FNTA: variants seen among roughly 807,000 people sequenced by gnomAD.
The protein encoded by FNTA is farnesyltransferase, CAAX box, subunit alpha.
FNTA carries 27 observed loss-of-function variants against 55.2 expected under a neutral mutation model. That is an observed-to-expected ratio of 0.49 (90% CI 0.36 to 0.67). FNTA has a LOEUF of 0.67. Among genes scored for constraint, FNTA ranks in the 30% least tolerant of loss-of-function variants. The pLI is 0.00. For missense variants in FNTA, 422 were observed against 464.7 expected (o/e 0.91, Z 0.85); for synonymous variants, 176 against 170.7 (o/e 1.03, Z -0.24).
chr8:43,070,731 A>T (rs1810770581), intron 4 of FNTA, among the ~76,000 whole-genome samples: 2 of 152,276 alleles, frequency 1.3e-5, no homozygotes. Flanking sequence ...TTTTATAACC[A>T]GTGTAGTACA....
At chr8:43,059,315 T>G (rs1341613776) in intron 2 of FNTA, 138 bp downstream of exon 2, 6 of 562,082 alleles carry the variant, frequency 1.1e-5, no homozygotes, top group African/African-American at 1.9e-5. Flanking sequence ...TAATTTTGTG[T>G]TTTTTTTATG....
intron 2 of FNTA, 118 bp from the exon 3 acceptor site, chr8:43,063,983 T>G: frequency 1.5e-6 from 1 of 669,646 alleles, no homozygotes; most frequent in East Asian, 2.8e-5. Flanking sequence ...TTATTTTGCT[T>G]GTTGGTATAA....
At chr8:43,077,494 A>G (rs1452638631) in intron 6 of FNTA, 130 bp downstream of exon 6, 3 of 525,644 alleles carry the variant, frequency 5.7e-6, no homozygotes, top group Non-Finnish European at 6.5e-6. Flanking sequence ...TACTGAGTGG[A>G]ACATAGGATG....
intron 1 of FNTA, chr8:43,057,082 CT>C (rs1047335410): frequency 6.6e-6 from 1 of 152,130 alleles, no homozygotes; most frequent in African/African-American, 2.4e-5. Flanking sequence ...AGGCTAAAGG[CT>C]GAAAAGAGAT....
At chr8:43,061,708 C>A (rs554449026) in intron 2 of FNTA, among the ~76,000 whole-genome samples, 1 of 151,924 alleles carries the variant, frequency 6.6e-6, no homozygotes, top group Non-Finnish European at 1.5e-5. Context: ...TCGAGCATGA[C>A]AATATGTTGT....
Position 43,064,161 on chromosome 8 carries a change from C to G in FNTA, c.347C>G (p.Ala116Gly), listed in dbSNP as rs1300936909. The part of the protein sequence containing the change: ...VLQRDERSER[A>G]FKLTRDAIEL... ...CAGCGTGATGAAAGAAGTGAACGAG[C>G]TTTTAAGCTAACCCGGGATGCTATT... The change falls in exon 3 of 9, where the codon GCT becomes GGT. Residue 116 changes from alanine (A) to glycine (G), a missense_variant. Ala to Gly is a moderately conservative substitution (Grantham distance 60). This residue lies in a region of FNTA where 262 missense variants were observed against 343.1 expected (regional missense o/e 0.76). Coordinates refer to ENST00000302279, the MANE Select transcript of FNTA (RefSeq NM_002027.3). The G allele has an allele frequency of 6.2e-7, 1 of 1,613,978 alleles. No homozygotes were observed. Among genetic ancestry groups the G allele is most frequent in the Non-Finnish European group, 8.5e-7 (1 of 1,179,990 alleles).
chr8:43,068,702 T>C (rs1041476440), intron 3 of FNTA, among the ~76,000 whole-genome samples: 19 of 152,194 alleles, frequency 1.2e-4, no homozygotes, highest in Non-Finnish European at 2.2e-4. Flanking sequence ...ATCTCATACT[T>C]GTTACCTTTC....
chr8:43,061,854 G>C (rs1810539016), intron 2 of FNTA, among the ~76,000 whole-genome samples: 1 of 151,962 alleles, frequency 6.6e-6, no homozygotes, highest in Non-Finnish European at 1.5e-5. Context: ...CGAGTAGCTG[G>C]GATTACAGGC....
At chr8:43,065,720 C>A (rs544319788) in intron 3 of FNTA, among the ~76,000 whole-genome samples, 6 of 151,408 alleles carry the variant, frequency 4.0e-5, no homozygotes, top group Non-Finnish European at 7.3e-5. Context: ...TTGGATGCTG[C>A]ATACCTGGTT....
rs968239409 is a variant in FNTA, at chr8:43,085,386, G to A, written c.*104G>A. 7.7e-6 allele frequency: 8 copies of A among 1,043,704 alleles called. No individual in the cohort carries two copies. Among genetic ancestry groups the A allele is most frequent in the African/African-American group, 3.3e-5 (2 of 60,580 alleles). The allele number at this position is 1,043,704 out of a possible 1,614,324, so 64.7% of individuals were successfully genotyped here. ...TTCCCTTTGCCTGTGGTGTAAAAGT[G>A]CATCACACAGGTATTGCTTTTTAAC... On this transcript the variant is annotated 3_prime_UTR_variant, in exon 9 of 9. Coordinates refer to ENST00000302279, the MANE Select transcript of FNTA (RefSeq NM_002027.3).
At chr8:43,059,205 C>T in intron 2 of FNTA, 28 bp downstream of exon 2, 1 of 1,507,008 alleles carries the variant, frequency 6.6e-7, no homozygotes, top group Admixed American at 1.8e-5. Context: ...AGGAAAAGGT[C>T]TGTAAGTTAA....
intron 6 of FNTA, chr8:43,080,581 A>G (rs1161606174): frequency 1.3e-5 from 2 of 152,212 alleles, no homozygotes; most frequent in African/African-American, 4.8e-5. Context: ...TGAACCTTCC[A>G]TATCTGCAAG....
At chr8:43,064,042 C>A in intron 2 of FNTA, 59 bp from the exon 3 acceptor site, 2 of 1,006,868 alleles carry the variant, frequency 2.0e-6, no homozygotes, top group Non-Finnish European at 3.1e-6. Context: ...TGACATTATA[C>A]ATTATAGTGC....
chr8:43,058,234 T>TA (rs959611843), intron 1 of FNTA, among the ~76,000 whole-genome samples: 5 of 152,150 alleles, frequency 3.3e-5, no homozygotes, highest in Non-Finnish European at 2.9e-5. Context: ...GAGGCCCCAA[T>TA]AAGTAACTTT....
intron 8 of FNTA, 43 bp downstream of exon 8, chr8:43,084,924 A>G (rs1184057398): frequency 6.4e-7 from 1 of 1,560,314 alleles, no homozygotes; most frequent in Middle Eastern, 1.7e-4. Flanking sequence ...GGTATCTCAG[A>G]ATTGATCTGC....
chr8:43,077,358 A>T lies in FNTA; in HGVS notation c.776A>T (p.Glu259Val). 6.2e-7 allele frequency: 1 copy of T among 1,603,768 alleles called. No individual in the cohort carries two copies. Among genetic ancestry groups the T allele is most frequent in the Non-Finnish European group, 8.5e-7 (1 of 1,175,450 alleles). The stretch of plus-strand genomic sequence containing the variant: ...AATGATCGTGCTGTATTGGAGAGAG[A>T]AGTCCAGTTAGTAATCTCCTTCACT... ...GYNDRAVLER[E>V]VQYTLEMIKL... Residue 259 changes from glutamate (E) to valine (V), a missense_variant, in exon 6 of 9, where the codon GAA becomes GTA. Glu to Val is a moderately radical substitution (Grantham distance 121). This residue lies in a region of FNTA where 262 missense variants were observed against 343.1 expected (regional missense o/e 0.76). Transcript: ENST00000302279.
intron 5 of FNTA, among the ~76,000 whole-genome samples, chr8:43,072,900 T>A (rs1248034426): frequency 1.3e-5 from 2 of 152,218 alleles, no homozygotes; most frequent in African/African-American, 4.8e-5. Context: ...TACAGATGTA[T>A]TATTTTAACT....
intron 3 of FNTA, among the ~76,000 whole-genome samples, chr8:43,064,849 T>A (rs1046272906): frequency 5.3e-5 from 8 of 151,606 alleles, no homozygotes; most frequent in South Asian, 2.1e-4. Flanking sequence ...CTTTTATTTT[T>A]TTTTTTTGAG....
chr8:43,064,048 A>G, intron 2 of FNTA, 53 bp from the exon 3 acceptor site: 1 of 1,043,982 alleles, frequency 9.6e-7, no homozygotes, highest in South Asian at 1.3e-5. Context: ...TATACATTAT[A>G]GTGCTAATTT....
Sources: gnomAD v4.1 joint callset for allele counts (sites outside exome capture counted in the v4.1 genomes callset) on GRCh38, gnomAD v4.1.1 for gene constraint, gnomAD v4.1.1 regional missense constraint, MANE v1.5 for transcripts, NCBI Gene and HGNC (gene_info 2026-07-23, HGNC 2026-07-21) for gene names.